The following GRXCR2 variants were observed in gnomAD, a reference collection of about 807,000 sequenced individuals.
GRXCR2 encodes the protein glutaredoxin domain-containing cysteine-rich protein 2.
In GRXCR2, 23 loss-of-function variants were observed where a neutral mutation model predicts 24.8. The observed-to-expected ratio is 0.93, with a 90% confidence interval of 0.67 to 1.32. The LOEUF is 1.32. Among genes scored for constraint, GRXCR2 ranks in the 40% most tolerant of loss-of-function variants. GRXCR2 has a pLI of 0.00. For missense variants in GRXCR2, 315 were observed against 303.4 expected, an observed-to-expected ratio of 1.04 and a Z score of -0.28; for synonymous variants, 130 against 116.1, an observed-to-expected ratio of 1.12 and a Z score of -0.77.
chr5:145,931,178 T>C (rs761502879), intron 2 of GRXCR2, among the ~76,000 whole-genome samples: 8 of 152,142 alleles, frequency 5.3e-5, no homozygotes, highest in Non-Finnish European at 1.0e-4. Context: ...ACTATAGGCA[T>C]GTGCCACCAT....
chr5:145,882,993 C>T (rs900897214), intron 2 of GRXCR2, among the ~76,000 whole-genome samples: 3 of 121,486 alleles, frequency 2.5e-5, no homozygotes, highest in Admixed American at 2.5e-4. Flanking sequence ...GGACACAGGG[C>T]GGGGAACATC....
At chr5:145,926,550 T>C (rs184666814) in intron 2 of GRXCR2, among the ~76,000 whole-genome samples, 3 of 152,200 alleles carry the variant, frequency 2.0e-5, no homozygotes, top group Non-Finnish European at 2.9e-5. Context: ...AAATGCGGCA[T>C]TATTTCTGAG....
chr5:145,868,101 G>T (rs1756465880), intron 1 of GRXCR2, among the ~76,000 whole-genome samples: 1 of 152,040 alleles, frequency 6.6e-6, no homozygotes, highest in South Asian at 2.1e-4. Context: ...TTCTGGGGGT[G>T]GGAGGTACCA....
upstream of GRXCR2, among the ~76,000 whole-genome samples, chr5:145,874,455 A>C (rs990047934): frequency 6.7e-6 from 1 of 150,366 alleles, no homozygotes; most frequent in Non-Finnish European, 1.5e-5. Flanking sequence ...GCCTGCCTTG[A>C]CCTCCCAAAG....
chr5:145,900,912 T>C (rs1281457324), intron 2 of GRXCR2, among the ~76,000 whole-genome samples: 1 of 152,206 alleles, frequency 6.6e-6, no homozygotes, highest in Non-Finnish European at 1.5e-5. Flanking sequence ...AGTGGTGGAT[T>C]GTATTTTTTA....
chr5:145,914,375 T>TA (rs11372413), intron 2 of GRXCR2, among the ~76,000 whole-genome samples: 69,811 of 151,246 alleles, frequency 0.46, 16,776 homozygotes, highest in East Asian at 0.76. Flanking sequence ...TAAGAAGATT[T>TA]AAAAAAAATA....
At chr5:145,905,600 T>G (rs1025818093) in intron 2 of GRXCR2, among the ~76,000 whole-genome samples, 3 of 152,158 alleles carry the variant, frequency 2.0e-5, no homozygotes, top group Non-Finnish European at 4.4e-5. Context: ...AAAATGCTGC[T>G]TCAAGAGAGG....
chr5:145,869,388 C>T lies in GRXCR2; in HGVS notation c.337-2660G>A, dbSNP rs370309092. On this transcript the variant is annotated intron_variant, in intron 1 of 2. Coordinates refer to ENST00000377976, the MANE Select transcript of GRXCR2 (RefSeq NM_001080516.2). ...ACCTTATAAACTTCAGTTTTAATTG[C>T]TTAAAATATTTTTATTATTTATAAC... is the stretch of plus-strand genomic sequence containing the variant. 5.9e-4 allele frequency among the ~76,000 whole-genome samples: 90 copies of T among 152,186 alleles called. 3 individuals carry two copies. In the South Asian group the frequency reaches 0.017, roughly 29 times the overall value.
At chr5:145,867,395 T>C (rs1241266870) in intron 1 of GRXCR2, among the ~76,000 whole-genome samples, 2 of 152,170 alleles carry the variant, frequency 1.3e-5, no homozygotes, top group East Asian at 1.9e-4. Flanking sequence ...TTTAAAAGTA[T>C]TTCCCCCCCA....
intron 2 of GRXCR2, among the ~76,000 whole-genome samples, chr5:145,901,003 A>G (rs1390231210): frequency 6.6e-6 from 1 of 152,184 alleles, no homozygotes; most frequent in African/African-American, 2.4e-5. Flanking sequence ...ATATGGATGC[A>G]GCTGGTGGCC....
At chr5:145,905,007 A>G (rs929962137) in intron 2 of GRXCR2, among the ~76,000 whole-genome samples, 2 of 152,232 alleles carry the variant, frequency 1.3e-5, no homozygotes, top group Non-Finnish European at 2.9e-5. Flanking sequence ...TTCTGCTTAC[A>G]TCATGCTGGC....
chr5:145,929,223 A>ATATATATC (rs926767823), intron 2 of GRXCR2, among the ~76,000 whole-genome samples: 1 of 142,900 alleles, frequency 7.0e-6, no homozygotes, highest in African/African-American at 2.6e-5. Flanking sequence ...ATATATATAT[A>ATATATATC]TCACCATTTA....
chr5:145,884,583 T>C (rs1756751967), intron 2 of GRXCR2, among the ~76,000 whole-genome samples: 1 of 152,020 alleles, frequency 6.6e-6, no homozygotes, highest in African/African-American at 2.4e-5. Flanking sequence ...TCAATATATA[T>C]GCCTATATAA....
intron 2 of GRXCR2, among the ~76,000 whole-genome samples, chr5:145,907,691 G>A (rs181315413): frequency 1.6e-3 from 245 of 152,246 alleles, no homozygotes; most frequent in African/African-American, 5.7e-3. Flanking sequence ...GCCAATAGGA[G>A]TTCCTGGTGA....
At chr5:145,931,145 C>T (rs1757471709) in intron 2 of GRXCR2, among the ~76,000 whole-genome samples, 1 of 152,210 alleles carries the variant, frequency 6.6e-6, no homozygotes, top group African/African-American at 2.4e-5. Context: ...GATCCTCCCA[C>T]CTCAGCCTCC....
chr5:145,886,127 A>G (rs547927754), intron 2 of GRXCR2, among the ~76,000 whole-genome samples: 42 of 152,388 alleles, frequency 2.8e-4, no homozygotes, highest in African/African-American at 8.4e-4. Context: ...TCTAGAATCC[A>G]TAACAGGCTT....
intron 2 of GRXCR2, among the ~76,000 whole-genome samples, chr5:145,879,360 A>C (rs1756666182): frequency 6.9e-6 from 1 of 145,124 alleles, no homozygotes; most frequent in Non-Finnish European, 1.5e-5. Flanking sequence ...TCTACCAAGC[A>C]AATGCACAGC....
At chr5:145,926,386 T>C (rs553579164) in intron 2 of GRXCR2, among the ~76,000 whole-genome samples, 1 of 152,190 alleles carries the variant, frequency 6.6e-6, no homozygotes, top group Non-Finnish European at 1.5e-5. Context: ...CTTTAATCCA[T>C]CTTGAATTAA....
chr5:145,873,042 T>C (rs1285691875), upstream of GRXCR2: 3 of 1,213,594 alleles, frequency 2.5e-6, no homozygotes, highest in Non-Finnish European at 3.5e-6. Context: ...GAAAAAGGCA[T>C]TTTATTTTCT....
Sources: gnomAD v4.1 joint callset for allele counts (sites outside exome capture counted in the v4.1 genomes callset) on GRCh38, gnomAD v4.1.1 for gene constraint, MANE v1.5 for transcripts, NCBI Gene and HGNC (gene_info 2026-07-23, HGNC 2026-07-21) for gene names.